The following NPAS3 variants were observed in gnomAD, a reference collection of about 807,000 sequenced individuals.
NPAS3 encodes neuronal PAS domain-containing protein 3.
Under a neutral mutation model 73.1 loss-of-function variants are expected in NPAS3, and 14 were observed. The ratio of observed to expected loss-of-function variants is 0.19; its 90% CI spans 0.13 to 0.30. NPAS3 has a LOEUF of 0.30. NPAS3 is among the 10% of genes least tolerant of loss of function. The pLI is 1.00. For synonymous variants in NPAS3, 620 were observed against 541.5 expected (o/e 1.14, Z -2.01); for missense variants, 1,096 against 1,250.0 (o/e 0.88, Z 1.86).
At chr14:33,061,168 G>A (rs574298934) in intron 2 of NPAS3, among the ~76,000 whole-genome samples, 20 of 152,314 alleles carry the variant, frequency 1.3e-4, no homozygotes, top group African/African-American at 4.8e-4. Context: ...ATTCTGCTGG[G>A]GGGAGGATGG....
At chr14:33,544,586 G>A (rs1269031076) in intron 4 of NPAS3, among the ~76,000 whole-genome samples, 1 of 151,102 alleles carries the variant, frequency 6.6e-6, no homozygotes, top group Non-Finnish European at 1.5e-5. Flanking sequence ...AGCAAAAAAG[G>A]TGAGCCACAC....
chr14:33,104,771 A>C (rs1419090575), intron 2 of NPAS3, among the ~76,000 whole-genome samples: 1 of 152,162 alleles, frequency 6.6e-6, no homozygotes, highest in Non-Finnish European at 1.5e-5. Context: ...CTCTTCAGTG[A>C]CTCAATTCTA....
At chr14:33,694,895 G>A (rs960308156) in intron 6 of NPAS3, among the ~76,000 whole-genome samples, 1 of 151,988 alleles carries the variant, frequency 6.6e-6, no homozygotes, top group Non-Finnish European at 1.5e-5. Flanking sequence ...CTGCTTTTTT[G>A]GTAGAAGCCT....
intron 2 of NPAS3, among the ~76,000 whole-genome samples, chr14:33,109,690 G>T (rs185498973): frequency 1.3e-5 from 2 of 151,656 alleles, no homozygotes; most frequent in African/African-American, 2.4e-5. Context: ...CTCAGATACC[G>T]TATTGAGCAC....
At chr14:33,095,673 T>A (rs1006009070) in intron 2 of NPAS3, among the ~76,000 whole-genome samples, 38 of 138,028 alleles carry the variant, frequency 2.8e-4, no homozygotes, top group East Asian at 1.2e-3. Context: ...TTTTTTTATT[T>A]TTTTTTTTTT....
chr14:33,770,914 A>C (rs943433033), intron 7 of NPAS3, among the ~76,000 whole-genome samples: 1 of 152,218 alleles, frequency 6.6e-6, no homozygotes, highest in Non-Finnish European at 1.5e-5. Flanking sequence ...AAAACAAAAC[A>C]AAACAAAAAA....
At chr14:33,243,675 T>C (rs2048283399) in intron 3 of NPAS3, among the ~76,000 whole-genome samples, 2 of 151,958 alleles carry the variant, frequency 1.3e-5, no homozygotes, top group South Asian at 4.2e-4. Flanking sequence ...GCACAGAACA[T>C]AGACATTTAA....
intron 4 of NPAS3, among the ~76,000 whole-genome samples, chr14:33,457,403 G>T (rs1382256083): frequency 1.3e-5 from 2 of 152,228 alleles, no homozygotes; most frequent in East Asian, 3.9e-4. Flanking sequence ...AGACCTCAAA[G>T]AGCAAGGTTT....
At chr14:33,733,420 G>A (rs983455295) in intron 6 of NPAS3, among the ~76,000 whole-genome samples, 1 of 151,860 alleles carries the variant, frequency 6.6e-6, no homozygotes, top group Non-Finnish European at 1.5e-5. Flanking sequence ...AGAACTGCAC[G>A]GCTGACTGAC....
At chr14:33,626,198 G>A (rs1303718891) in intron 5 of NPAS3, among the ~76,000 whole-genome samples, 5 of 152,240 alleles carry the variant, frequency 3.3e-5, no homozygotes, top group Admixed American at 3.3e-4. Context: ...AAATGAATAC[G>A]AATCTACAAA....
intron 2 of NPAS3, among the ~76,000 whole-genome samples, chr14:33,065,690 A>G (rs1279898048): frequency 2.0e-5 from 3 of 152,042 alleles, no homozygotes; most frequent in African/African-American, 7.2e-5. Context: ...CCAGTTATAA[A>G]GGATCTCTGG....
chr14:33,156,578 G>T (rs1221997654), intron 2 of NPAS3, among the ~76,000 whole-genome samples: 1 of 152,042 alleles, frequency 6.6e-6, no homozygotes, highest in Non-Finnish European at 1.5e-5. Flanking sequence ...TTAATTATCT[G>T]CATGATCATT....
At chr14:33,619,327 A>C (rs540404260) in intron 5 of NPAS3, among the ~76,000 whole-genome samples, 3 of 152,290 alleles carry the variant, frequency 2.0e-5, no homozygotes, top group South Asian at 4.2e-4. Context: ...ATATTTGCAA[A>C]AACTCATTAA....
intron 4 of NPAS3, among the ~76,000 whole-genome samples, chr14:33,504,908 A>G (rs1458989883): frequency 6.6e-6 from 1 of 152,068 alleles, no homozygotes; most frequent in African/African-American, 2.4e-5. Flanking sequence ...CTACGGAGAC[A>G]GATAGGAATT....
intron 4 of NPAS3, among the ~76,000 whole-genome samples, chr14:33,468,130 T>G (rs556003612): frequency 1.3e-5 from 2 of 152,296 alleles, no homozygotes; most frequent in East Asian, 3.9e-4. Context: ...TGTAAGCAGT[T>G]GAATGGTGAC....
chr14:33,615,279 G>A lies in NPAS3; in HGVS notation c.558+55069G>A, dbSNP rs559064328. Among the ~76,000 whole-genome samples the A allele has an allele frequency of 2.6e-5, 4 of 152,294 alleles. No individual in the cohort carries two copies. The East Asian group carries it at 7.7e-4, about 29-fold the overall frequency. ...AGTCACTGCATGTTTTTAAGGCAGG[G>A]AAAGGCATAAACTAAGTACCAAGTT... On this transcript the variant is annotated intron_variant, in intron 5 of 11. Coordinates refer to ENST00000356141, the Ensembl canonical transcript of NPAS3.
At chr14:33,145,075 G>C (rs116964432) in intron 2 of NPAS3, among the ~76,000 whole-genome samples, 1 of 152,110 alleles carries the variant, frequency 6.6e-6, no homozygotes, top group African/African-American at 2.4e-5. Flanking sequence ...TGATATTTAA[G>C]TTACAGGGGA....
At chr14:32,999,619 T>G (rs569124548) in intron 1 of NPAS3, among the ~76,000 whole-genome samples, 1 of 152,364 alleles carries the variant, frequency 6.6e-6, no homozygotes, top group African/African-American at 2.4e-5. Flanking sequence ...AGTAATTACA[T>G]GTATATTTTT....
intron 5 of NPAS3, among the ~76,000 whole-genome samples, chr14:33,652,463 C>T (rs1012460454): frequency 4.6e-5 from 7 of 152,094 alleles, no homozygotes; most frequent in South Asian, 2.1e-4. Context: ...CTCTGGGCAC[C>T]GACAGAAATT....
Sources: allele counts gnomAD v4.1 joint callset (sites outside exome capture counted in the v4.1 genomes callset), GRCh38; gene constraint gnomAD v4.1.1; transcripts MANE v1.5; gene names NCBI Gene and HGNC (gene_info 2026-07-23, HGNC 2026-07-21).